GTF2F2: variants seen among roughly 807,000 people sequenced by gnomAD.
The protein encoded by GTF2F2 is ATP-dependent helicase GTF2F2.
Under a neutral mutation model 42.2 loss-of-function variants are expected in GTF2F2, and 23 were observed. That is an observed-to-expected ratio of 0.55 (90% CI 0.39 to 0.77). GTF2F2 has a LOEUF of 0.77. Ranked by LOEUF, GTF2F2 falls within the 30% of genes least tolerant of loss-of-function variation. The pLI is 0.00. For missense variants in GTF2F2, 261 were observed against 287.2 expected (o/e 0.91, Z 0.66); for synonymous variants, 105 against 100.8 (o/e 1.04, Z -0.25).
chr13:45,165,855 C>CCAGGCTGG (rs1425497511), intron 4 of GTF2F2, among the ~76,000 whole-genome samples: 1 of 144,028 alleles, frequency 6.9e-6, no homozygotes, highest in Non-Finnish European at 1.5e-5. Flanking sequence ...ATCTTCTTAC[C>CCAGGCTGG]CAGGCTGGAG....
chr13:45,134,887 G>A (rs1869536176), intron 1 of GTF2F2, among the ~76,000 whole-genome samples: 1 of 151,892 alleles, frequency 6.6e-6, no homozygotes, highest in Non-Finnish European at 1.5e-5. Context: ...CAGGGCAATT[G>A]GAAGGATGAA....
chr13:45,186,703 G>A (rs1872442491), intron 4 of GTF2F2, among the ~76,000 whole-genome samples: 1 of 152,146 alleles, frequency 6.6e-6, no homozygotes. Flanking sequence ...ATAACAGTAA[G>A]TGATAGAAGA....
chr13:45,147,277 C>CA (rs1360419287), intron 2 of GTF2F2, among the ~76,000 whole-genome samples: 1 of 152,234 alleles, frequency 6.6e-6, no homozygotes, highest in African/African-American at 2.4e-5. Flanking sequence ...CTAGCTGCTT[C>CA]AAGCTGTCTT....
chr13:45,165,740 C>T (rs549907773), intron 4 of GTF2F2, among the ~76,000 whole-genome samples: 1 of 151,212 alleles, frequency 6.6e-6, no homozygotes, highest in South Asian at 2.1e-4. Flanking sequence ...TTGTGTACCT[C>T]ACAGGATTAT....
At chr13:45,168,906 T>C (rs1593467677) in intron 4 of GTF2F2, among the ~76,000 whole-genome samples, 3 of 87,260 alleles carry the variant, frequency 3.4e-5, no homozygotes, top group Non-Finnish European at 4.5e-5. Flanking sequence ...CCTCCCTCCC[T>C]CCTCCTTCCT....
chr13:45,155,174 A>C (rs1870692834), intron 4 of GTF2F2, among the ~76,000 whole-genome samples: 1 of 152,234 alleles, frequency 6.6e-6, no homozygotes, highest in African/African-American at 2.4e-5. Context: ...GAAAAGCTAC[A>C]GAACCACTAC....
In GTF2F2 at chr13:45,191,227, ATAT is replaced by A. The variant is rs1566129318; in HGVS notation, c.305-16196_305-16194del. On this transcript the variant is annotated intron_variant, in intron 4 of 7. Transcript: ENST00000340473. Reference sequence around the variant, plus strand: ...TCTACTAAAAATACAAAAAAAAAATATATATATATATATATATATATATATATA... The same window carrying A: ...TCTACTAAAAATACAAAAAAAAAATAATATATATATATATATATATATATA... Among the ~76,000 whole-genome samples the A allele has an allele frequency of 3.5e-3, 411 of 116,082 alleles. 29 individuals carry two copies. Among genetic ancestry groups the A allele is most frequent in the African/African-American group, 0.013 (350 of 27,558 alleles). 76.2% of individuals were successfully genotyped at this position (116,082 alleles called of 152,430 possible).
intron 5 of GTF2F2, among the ~76,000 whole-genome samples, chr13:45,238,082 T>C (rs1875081226): frequency 6.6e-6 from 1 of 152,066 alleles, no homozygotes; most frequent in Admixed American, 6.6e-5. Context: ...GCCTCCAGAG[T>C]AGCTGGGATT....
At chr13:45,260,792 G>A (rs141691924) in intron 6 of GTF2F2, among the ~76,000 whole-genome samples, 57 of 152,236 alleles carry the variant, frequency 3.7e-4, no homozygotes, top group Non-Finnish European at 6.8e-4. Context: ...GGCTGAGGCG[G>A]GTGGATCACT....
intron 7 of GTF2F2, among the ~76,000 whole-genome samples, chr13:45,269,719 C>A (rs1876711667): frequency 2.0e-5 from 3 of 152,246 alleles, no homozygotes; most frequent in South Asian, 2.1e-4. Context: ...TAGTCCTGGA[C>A]AAGGTACTTA....
intron 5 of GTF2F2, among the ~76,000 whole-genome samples, chr13:45,251,767 A>G (rs1875888356): frequency 6.6e-6 from 1 of 152,144 alleles, no homozygotes; most frequent in South Asian, 2.1e-4. Context: ...GCTTTTGTCC[A>G]AAAATGCTTA....
At chr13:45,236,900 G>A (rs747101980) in intron 5 of GTF2F2, among the ~76,000 whole-genome samples, 29 of 152,062 alleles carry the variant, frequency 1.9e-4, no homozygotes, top group Non-Finnish European at 3.8e-4. Context: ...TTAATATGAC[G>A]AGGAATATTG....
chr13:45,250,448 C>T (rs1418741245), intron 5 of GTF2F2, among the ~76,000 whole-genome samples: 2 of 152,088 alleles, frequency 1.3e-5, no homozygotes, highest in African/African-American at 2.4e-5. Flanking sequence ...GTCAGTTGTC[C>T]TACCATCCCT....
chr13:45,229,739 C>T (rs1874574852), intron 5 of GTF2F2, among the ~76,000 whole-genome samples: 1 of 152,128 alleles, frequency 6.6e-6, no homozygotes, highest in Non-Finnish European at 1.5e-5. Context: ...ATTTTGTCAT[C>T]TCTTACATTT....
intron 3 of GTF2F2, 62 bp downstream of exon 3, chr13:45,149,850 T>A: frequency 7.0e-7 from 1 of 1,418,610 alleles, no homozygotes; most frequent in Non-Finnish European, 9.4e-7. Context: ...TTAATAATAG[T>A]GAAAAAAGAG....
intron 5 of GTF2F2, among the ~76,000 whole-genome samples, chr13:45,218,962 T>A (rs747219925): frequency 5.3e-5 from 8 of 152,142 alleles, no homozygotes; most frequent in Non-Finnish European, 1.2e-4. Flanking sequence ...AAAGAAAACT[T>A]GAATTATTTA....
At chr13:45,161,739 A>G (rs769881819) in intron 4 of GTF2F2, among the ~76,000 whole-genome samples, 3 of 152,190 alleles carry the variant, frequency 2.0e-5, no homozygotes, top group Non-Finnish European at 4.4e-5. Context: ...CCTATTCGGG[A>G]GGCTGAGGCA....
Position 45,266,626 on chromosome 13 carries a change from T to C in GTF2F2, c.487-607T>C, listed in dbSNP as rs1319968277. On this transcript the variant is annotated intron_variant, in intron 6 of 7. Coordinates refer to ENST00000340473, the MANE Select transcript of GTF2F2 (RefSeq NM_004128.3). ...TTTCGATCAACACAAGATAACCAGT[T>C]AACCGCACTGAATTGATACAGTTTT... Among the ~76,000 whole-genome samples the C allele has an allele frequency of 2.0e-5, 3 of 152,206 alleles. No homozygotes were observed. The East Asian group carries it at 5.8e-4, about 29-fold the overall frequency.
chr13:45,254,876 A>T (rs1365172541), intron 6 of GTF2F2, among the ~76,000 whole-genome samples: 1 of 152,158 alleles, frequency 6.6e-6, no homozygotes, highest in Non-Finnish European at 1.5e-5. Flanking sequence ...TTTCTTTAAG[A>T]CTAGCCTTGG....
Sources: gnomAD v4.1 joint callset for allele counts (sites outside exome capture counted in the v4.1 genomes callset) on GRCh38, gnomAD v4.1.1 for gene constraint, MANE v1.5 for transcripts, NCBI Gene and HGNC (gene_info 2026-07-23, HGNC 2026-07-21) for gene names.